The following DMD variants were observed in gnomAD, a reference collection of about 807,000 sequenced individuals.
DMD encodes the protein mutant dystrophin.
In DMD, 63 loss-of-function variants were observed where a neutral mutation model predicts 330.1. The ratio of observed to expected loss-of-function variants is 0.19; its 90% confidence interval spans 0.16 to 0.24. The LOEUF is 0.24. Among genes scored for constraint, DMD ranks in the 10% least tolerant of loss-of-function variants. DMD has a pLI of 1.00. For missense variants in DMD, 3,344 were observed against 2,684.1 expected (o/e 1.25, Z -5.43); for synonymous variants, 1,223 against 959.8 (o/e 1.27, Z -5.07).
chrX:32,621,557 C>T (rs181462568), intron 11 of DMD, among the ~76,000 whole-genome samples: 260 of 108,946 alleles, frequency 2.4e-3, no homozygotes, highest in Non-Finnish European at 3.6e-3. Flanking sequence ...CTCCTTAGCT[C>T]AAGCAATCCT....
chrX:32,423,960 T>C (rs2098201178), intron 29 of DMD, among the ~76,000 whole-genome samples: 1 of 111,428 alleles, frequency 9.0e-6, no homozygotes, highest in South Asian at 3.7e-4. Flanking sequence ...ATTTCTAATT[T>C]ACAAAGAAAA....
At chrX:32,157,819 C>T (rs1304575808) in intron 44 of DMD, among the ~76,000 whole-genome samples, 1 of 111,919 alleles carries the variant, frequency 8.9e-6, no homozygotes. Context: ...ATGGAGGTTA[C>T]CAGACATTCC....
chrX:31,840,829 C>T (rs58215886), intron 48 of DMD, among the ~76,000 whole-genome samples: 2,047 of 110,516 alleles, frequency 0.019, 57 homozygotes, highest in African/African-American at 0.064. Context: ...ATTCTGAACG[C>T]TCCACTGACC....
At chrX:31,672,757 G>A (rs1329180730) in intron 53 of DMD, among the ~76,000 whole-genome samples, 1 of 111,293 alleles carries the variant, frequency 9.0e-6, no homozygotes, top group African/African-American at 3.3e-5. Context: ...TCTCTTTATT[G>A]ATACTCTCTA....
At chrX:32,810,197 G>C (rs955696039) in intron 6 of DMD, among the ~76,000 whole-genome samples, 7 of 110,844 alleles carry the variant, frequency 6.3e-5, no homozygotes, top group African/African-American at 1.3e-4. Flanking sequence ...ATAAAGATGT[G>C]GGGAAAAAAG....
intron 43 of DMD, among the ~76,000 whole-genome samples, chrX:32,257,073 A>G (rs1340633035): frequency 1.8e-5 from 2 of 111,969 alleles, no homozygotes; most frequent in African/African-American, 6.5e-5. Flanking sequence ...CAATTGCTAC[A>G]AAGAGAATAA....
At position 33,135,830 on chromosome X, in the gene DMD, A is replaced by G. The variant is rs374901218; in HGVS notation, c.31+75452T>C. Among the ~76,000 whole-genome samples the G allele has an allele frequency of 4.4e-4, 49 of 112,392 alleles. 1 individual carries two copies. The South Asian group carries it at 7.3e-3, about 17-fold the overall frequency. On this transcript the variant is annotated intron_variant, in intron 1 of 78. Coordinates refer to ENST00000357033, the MANE Select transcript of DMD (RefSeq NM_004006.3). ...CATAAATGGATAATATTTAACATAT[A>G]AGGTAATTGAAACATGGGTATGTAC... is the stretch of plus-strand genomic sequence containing the variant.
chrX:32,796,094 C>T (rs949038069), intron 7 of DMD, among the ~76,000 whole-genome samples: 2 of 95,409 alleles, frequency 2.1e-5, no homozygotes, highest in Non-Finnish European at 4.4e-5. Context: ...TATGTGTCAG[C>T]AATGCCACTA....
At chrX:31,830,548 C>T (rs911231851) in intron 49 of DMD, among the ~76,000 whole-genome samples, 6 of 109,962 alleles carry the variant, frequency 5.5e-5, no homozygotes, top group East Asian at 2.9e-4. Context: ...GAGCCGAGAT[C>T]GCGCCACCGC....
chrX:31,565,303 G>T (rs2075407958), intron 55 of DMD, among the ~76,000 whole-genome samples: 1 of 110,809 alleles, frequency 9.0e-6, no homozygotes, highest in African/African-American at 3.3e-5. Context: ...TCTTTCCCCT[G>T]TTGTCCCGGA....
intron 43 of DMD, among the ~76,000 whole-genome samples, chrX:32,282,544 T>C (rs1479045585): frequency 8.9e-6 from 1 of 112,155 alleles, no homozygotes; most frequent in Non-Finnish European, 1.9e-5. Flanking sequence ...AATAAGGCTT[T>C]TAATACTTTG....
chrX:32,033,653 G>GAAAGAAAGAAAGAAGAAAGAAAGAAAGA (rs201179363), intron 44 of DMD, among the ~76,000 whole-genome samples: 5 of 59,097 alleles, frequency 8.5e-5, no homozygotes, highest in African/African-American at 3.5e-4. Context: ...AAGAAAGAAA[G>GAAAGAAAGAAAGAAGAAAGAAAGAAAGA]AAGAAAGAAA....
intron 1 of DMD, among the ~76,000 whole-genome samples, chrX:33,108,599 G>A (rs890119886): frequency 1.9e-5 from 2 of 107,058 alleles, no homozygotes; most frequent in Non-Finnish European, 3.9e-5. Context: ...ATTTTGGCTG[G>A]CCGCGGTGGC....
intron 1 of DMD, among the ~76,000 whole-genome samples, chrX:33,099,965 A>G (rs1311760890): frequency 8.9e-6 from 1 of 112,301 alleles, no homozygotes; most frequent in Non-Finnish European, 1.9e-5. Flanking sequence ...TATATAAAAA[A>G]GCCAAAATTA....
At chrX:31,614,301 G>A (rs994753774) in intron 55 of DMD, among the ~76,000 whole-genome samples, 2 of 111,934 alleles carry the variant, frequency 1.8e-5, no homozygotes, top group South Asian at 3.7e-4. Flanking sequence ...GCTCCTGAGA[G>A]CAACTGAAAT....
intron 52 of DMD, among the ~76,000 whole-genome samples, chrX:31,703,835 A>G (rs1332201908): frequency 4.5e-5 from 5 of 111,577 alleles, no homozygotes; most frequent in African/African-American, 1.3e-4. Flanking sequence ...AATAAAAAAA[A>G]AGATCAATGA....
intron 2 of DMD, among the ~76,000 whole-genome samples, chrX:32,897,095 G>GT (rs145610684): frequency 0.43 from 46,969 of 109,288 alleles, 7,474 homozygotes; most frequent in East Asian, 0.66. Flanking sequence ...CATTTTATGC[G>GT]TTTTTTTTAT....
chrX:32,739,850 G>A (rs1034791941), intron 7 of DMD, among the ~76,000 whole-genome samples: 1 of 110,424 alleles, frequency 9.1e-6, no homozygotes, highest in Non-Finnish European at 1.9e-5. Flanking sequence ...TAGACCTACA[G>A]GATGAGAAAC....
chrX:32,819,003 GTGTTT>G (rs1208196180), intron 5 of DMD, among the ~76,000 whole-genome samples: 10 of 64,463 alleles, frequency 1.6e-4, no homozygotes, highest in African/African-American at 8.5e-4. Flanking sequence ...CCTTCTACAG[GTGTTT>G]TTTTTTTTTT....
Sources: allele counts gnomAD v4.1 joint callset (sites outside exome capture counted in the v4.1 genomes callset), GRCh38; gene constraint gnomAD v4.1.1; transcripts MANE v1.5; gene names NCBI Gene and HGNC (gene_info 2026-07-23, HGNC 2026-07-21).